Variants in PLLP observed in about 807,000 individuals in gnomAD.
PLLP encodes the protein plasmolipin.
Under a neutral mutation model 19.7 loss-of-function variants are expected in PLLP, and 15 were observed. That is an observed-to-expected ratio of 0.76 (90% CI 0.51 to 1.17). The LOEUF (loss-of-function observed/expected upper bound fraction) is 1.17. Ranked by LOEUF, PLLP falls within the 50% of genes most tolerant of loss-of-function variation. The pLI is 0.00. For synonymous variants in PLLP, 111 were observed against 116.3 expected (o/e 0.95, Z 0.29); for missense variants, 255 against 258.3 (o/e 0.99, Z 0.09).
At chr16:57,258,782 A>G (rs917693524) in intron 2 of PLLP, among the ~76,000 whole-genome samples, 198 bp from the exon 3 acceptor site, 3 of 151,788 alleles carry the variant, frequency 2.0e-5, no homozygotes, top group African/African-American at 7.3e-5. Context: ...TTAGCCAGGC[A>G]TGGTGGCGCA....
chr16:57,265,045 A>T (rs1382033134), intron 1 of PLLP, among the ~76,000 whole-genome samples: 13 of 152,138 alleles, frequency 8.5e-5, no homozygotes, highest in Non-Finnish European at 1.2e-4. Flanking sequence ...GCTCCTCCCC[A>T]CACTGGGGTG....
rs114034899 is a variant in PLLP, at chr16:57,266,736, T to A, written c.136-4666A>T. The stretch of plus-strand genomic sequence containing the variant: ...CTACATGAATATCTAACTGTCTCTC[T>A]CCTACACACACAGGCAAACCACATC... On this transcript the variant is annotated intron_variant, in intron 1 of 3. Transcript: ENST00000219207. 2.8e-3 allele frequency among the ~76,000 whole-genome samples: 422 copies of A among 151,932 alleles called. 1 individual carries two copies. Among genetic ancestry groups the A allele is most frequent in the African/African-American group, 9.6e-3 (396 of 41,414 alleles).
chr16:57,273,647 C>T (rs753003459), intron 1 of PLLP, among the ~76,000 whole-genome samples: 6 of 152,242 alleles, frequency 3.9e-5, no homozygotes, highest in Non-Finnish European at 8.8e-5. Flanking sequence ...GGGCAAACAA[C>T]AGCCATGGGG....
chr16:57,271,250 C>T (rs980139111), intron 1 of PLLP, among the ~76,000 whole-genome samples: 3 of 152,184 alleles, frequency 2.0e-5, no homozygotes, highest in African/African-American at 7.2e-5. Flanking sequence ...CTGCAGCCCC[C>T]ACGTGTACTT....
chr16:57,268,208 A>G (rs1170825914), intron 1 of PLLP, among the ~76,000 whole-genome samples: 1 of 152,162 alleles, frequency 6.6e-6, no homozygotes, highest in Non-Finnish European at 1.5e-5. Context: ...GAGACAATAT[A>G]TTTCTGCCAC....
chr16:57,267,696 G>A (rs1307660872), intron 1 of PLLP, among the ~76,000 whole-genome samples: 3 of 151,804 alleles, frequency 2.0e-5, no homozygotes, highest in African/African-American at 7.3e-5. Context: ...TGGCCAACGT[G>A]GTGAAACCCT....
chr16:57,269,156 A>C (rs1455520198), intron 1 of PLLP, among the ~76,000 whole-genome samples: 2 of 152,068 alleles, frequency 1.3e-5, no homozygotes, highest in Non-Finnish European at 2.9e-5. Context: ...GGAAGCAGGG[A>C]GGTTTGGCTT....
chr16:57,258,668 T>A, intron 2 of PLLP, 84 bp from the exon 3 acceptor site: 2 of 1,395,256 alleles, frequency 1.4e-6, no homozygotes, highest in Non-Finnish European at 2.0e-6. Flanking sequence ...ACACCTGTAA[T>A]CCCAGCACTT....
intron 1 of PLLP, among the ~76,000 whole-genome samples, chr16:57,269,758 T>G (rs558886608): frequency 6.6e-6 from 1 of 152,148 alleles, no homozygotes; most frequent in South Asian, 2.1e-4. Context: ...GGATTTTATA[T>G]GGAAATCAGC....
At chr16:57,275,129 ATG>A (rs1465133166) in intron 1 of PLLP, among the ~76,000 whole-genome samples, 2 of 43,022 alleles carry the variant, frequency 4.6e-5, no homozygotes, top group Non-Finnish European at 1.1e-4. Flanking sequence ...ACACACACAC[ATG>A]CATTTCAGAT....
At chr16:57,268,424 T>TA (rs778813196) in intron 1 of PLLP, among the ~76,000 whole-genome samples, 63 of 152,358 alleles carry the variant, frequency 4.1e-4, no homozygotes, top group Non-Finnish European at 1.8e-4. Context: ...GCAAGTGGCT[T>TA]AGCCTCTCTG....
intron 1 of PLLP, among the ~76,000 whole-genome samples, chr16:57,274,853 C>T (rs948334799): frequency 3.3e-5 from 5 of 151,992 alleles, no homozygotes; most frequent in Non-Finnish European, 7.4e-5. Flanking sequence ...GCTCCGCCTC[C>T]CGGGTTCACA....
chr16:57,265,118 T>G lies in PLLP; in HGVS notation c.136-3048A>C, dbSNP rs376664069. Among the ~76,000 whole-genome samples, 529 of 152,274 alleles carry G rather than the reference T, an allele frequency of 3.5e-3. 3 individuals are homozygous for G. Among genetic ancestry groups the G allele is most frequent in the African/African-American group, 0.012 (505 of 41,560 alleles). ...GCCAGCCTCTGCTGCCCGTCAGCAC[T>G]CTCACCGCCGCAAGCAGGCCAGGTG... On this transcript the variant is annotated intron_variant, in intron 1 of 3. Transcript: ENST00000219207.
intron 1 of PLLP, among the ~76,000 whole-genome samples, chr16:57,281,746 C>T (rs1901222153): frequency 6.6e-6 from 1 of 152,112 alleles, no homozygotes; most frequent in Admixed American, 6.5e-5. Flanking sequence ...CTCCTGACCT[C>T]GTGATCTGCC....
chr16:57,259,467 GA>G (rs1225711431), intron 2 of PLLP, among the ~76,000 whole-genome samples: 1 of 152,184 alleles, frequency 6.6e-6, no homozygotes, highest in Non-Finnish European at 1.5e-5. Context: ...TTTCAAGCTG[GA>G]TATGGAACCA....
chr16:57,263,073 T>G (rs1244443810), intron 1 of PLLP, among the ~76,000 whole-genome samples: 5 of 152,062 alleles, frequency 3.3e-5, no homozygotes, highest in Admixed American at 2.6e-4. Flanking sequence ...GAAGATCAAG[T>G]CACCACAGTC....
intron 1 of PLLP, among the ~76,000 whole-genome samples, chr16:57,272,012 G>A (rs1428028634): frequency 6.6e-6 from 1 of 152,090 alleles, no homozygotes; most frequent in Non-Finnish European, 1.5e-5. Flanking sequence ...TCCCAGGAAG[G>A]CCTTACCCTC....
In PLLP at chr16:57,284,572, G is replaced by A. The variant is rs1901262404; in HGVS notation, c.-32C>T. 1 of 1,323,542 alleles carries A rather than the reference G, an allele frequency of 7.6e-7. No individual in the cohort carries two copies. 82.0% of individuals were successfully genotyped at this position (1,323,542 alleles called of 1,614,324 possible). A position where few individuals can be genotyped will look rare whatever the true frequency, so the allele number is the denominator to read the frequency against. ...TCCGCTTGCCTCCCGAGGTCGCTAC[G>A]GCCGCCGTCGCCGCCCCTCCAGCGG... On this transcript the variant is annotated 5_prime_UTR_variant, in exon 1 of 4. Transcript: ENST00000219207.
intron 2 of PLLP, 98 bp downstream of exon 2, chr16:57,261,799 G>T: frequency 9.6e-7 from 1 of 1,043,368 alleles, no homozygotes; most frequent in Non-Finnish European, 1.5e-6. Flanking sequence ...TTAGGTCAGT[G>T]AGGATGTCAG....
Sources: gnomAD v4.1 joint callset for allele counts (sites outside exome capture counted in the v4.1 genomes callset) on GRCh38, gnomAD v4.1.1 for gene constraint, MANE v1.5 for transcripts, NCBI Gene and HGNC (gene_info 2026-07-23, HGNC 2026-07-21) for gene names.